ERBB4: variants seen among roughly 807,000 people sequenced by gnomAD.
ERBB4 encodes receptor tyrosine-protein kinase erbB-4.
ERBB4 carries 42 observed loss-of-function variants against 158.0 expected under a neutral mutation model. That is an observed-to-expected ratio of 0.27 (90% CI 0.21 to 0.34). The LOEUF (loss-of-function observed/expected upper bound fraction) is 0.34, where lower values mean the gene tolerates loss of function less well. ERBB4 is among the 10% of genes least tolerant of loss of function. ERBB4 has a pLI of 1.00. For missense variants in ERBB4, 1,333 were observed against 1,624.1 expected (o/e 0.82, Z 3.08); for synonymous variants, 583 against 558.7 (o/e 1.04, Z -0.61).
chr2:211,396,914 G>C (rs79979203), intron 25 of ERBB4, among the ~76,000 whole-genome samples: 1 of 152,152 alleles, frequency 6.6e-6, no homozygotes, highest in African/African-American at 2.4e-5. Flanking sequence ...TAAGTAAAAA[G>C]ATTTCTAACA....
intron 1 of ERBB4, among the ~76,000 whole-genome samples, chr2:212,363,669 T>A (rs1421579859): frequency 6.6e-6 from 1 of 151,640 alleles, no homozygotes; most frequent in Non-Finnish European, 1.5e-5. Flanking sequence ...AATACTTATA[T>A]ATTTGGAAAT....
chr2:211,933,361 A>T (rs1318563760), intron 3 of ERBB4, among the ~76,000 whole-genome samples: 1 of 152,056 alleles, frequency 6.6e-6, no homozygotes, highest in African/African-American at 2.4e-5. Context: ...ATATATCTAT[A>T]GGTATGTTAA....
chr2:211,552,973 A>ATTT (rs34100604), intron 20 of ERBB4, among the ~76,000 whole-genome samples: 19 of 146,958 alleles, frequency 1.3e-4, no homozygotes, highest in South Asian at 2.2e-4. Flanking sequence ...CAAATAATAC[A>ATTT]TTTTTTTTTT....
At chr2:211,844,314 T>A (rs1433639817) in intron 3 of ERBB4, among the ~76,000 whole-genome samples, 1 of 152,206 alleles carries the variant, frequency 6.6e-6, no homozygotes, top group East Asian at 1.9e-4. Context: ...ACCTTCACAT[T>A]TTATTTGGAT....
chr2:212,441,343 G>C (rs753602326), intron 1 of ERBB4, among the ~76,000 whole-genome samples: 1 of 152,158 alleles, frequency 6.6e-6, no homozygotes, highest in Non-Finnish European at 1.5e-5. Flanking sequence ...TGCTCTGCGG[G>C]AGGCAATGGT....
intron 2 of ERBB4, among the ~76,000 whole-genome samples, chr2:212,091,949 GC>G (rs2078792346): frequency 6.6e-6 from 1 of 151,986 alleles, no homozygotes; most frequent in Admixed American, 6.6e-5. Flanking sequence ...TCATTACGAA[GC>G]AAATACTCAT....
chr2:212,483,554 C>T (rs1689817865), intron 1 of ERBB4, among the ~76,000 whole-genome samples: 1 of 152,158 alleles, frequency 6.6e-6, no homozygotes, highest in African/African-American at 2.4e-5. Flanking sequence ...ATAGCCAATG[C>T]TCCACATTTC....
intron 15 of ERBB4, among the ~76,000 whole-genome samples, chr2:211,659,841 T>C (rs139526117): frequency 1.8e-3 from 278 of 152,258 alleles, no homozygotes; most frequent in Non-Finnish European, 3.5e-3. Flanking sequence ...CAGATGTGTA[T>C]TGAATAATGT....
At chr2:211,723,224 C>G (rs1442608388) in intron 6 of ERBB4, among the ~76,000 whole-genome samples, 1 of 152,030 alleles carries the variant, frequency 6.6e-6, no homozygotes, top group Non-Finnish European at 1.5e-5. Context: ...ATTCATAACT[C>G]AATTTATTAA....
intron 3 of ERBB4, among the ~76,000 whole-genome samples, chr2:211,812,625 C>T (rs185152177): frequency 6.6e-6 from 1 of 152,336 alleles, no homozygotes; most frequent in Non-Finnish European, 1.5e-5. Context: ...TGCCTTTTGT[C>T]CAGCTATGCC....
rs555076900 is a variant in ERBB4 at position 211,655,558 on chromosome 2, G to A, written c.1946+2196C>T. Among the ~76,000 whole-genome samples the A allele has an allele frequency of 2.6e-4, 39 of 152,194 alleles. 1 individual carries two copies. The South Asian group carries it at 7.0e-3, about 28-fold the overall frequency. On this transcript the variant is annotated intron_variant, in intron 16 of 27. Transcript: ENST00000342788. The stretch of plus-strand genomic sequence containing the variant: ...ACTCAGAAAATCTGATTCTAAAGAC[G>A]GAACACTTAACCACTGTACTATATT...
chr2:211,424,979 A>G (rs1057306231), intron 22 of ERBB4, among the ~76,000 whole-genome samples: 2 of 152,172 alleles, frequency 1.3e-5, no homozygotes. Context: ...TCACTGGGAC[A>G]TTGATTTTCT....
chr2:212,435,908 A>C (rs894843758), intron 1 of ERBB4, among the ~76,000 whole-genome samples: 2 of 151,822 alleles, frequency 1.3e-5, no homozygotes, highest in African/African-American at 4.8e-5. Flanking sequence ...ATTTTGGTGA[A>C]AGAAAAAAAA....
chr2:212,210,886 T>A (rs2082913461), intron 1 of ERBB4, among the ~76,000 whole-genome samples: 1 of 152,120 alleles, frequency 6.6e-6, no homozygotes, highest in Admixed American at 6.6e-5. Context: ...ACAATTTATA[T>A]TTCCCAGTCT....
intron 20 of ERBB4, among the ~76,000 whole-genome samples, chr2:211,499,781 A>G (rs1001768029): frequency 4.6e-5 from 7 of 152,068 alleles, no homozygotes; most frequent in African/African-American, 1.7e-4. Context: ...AAAAAGTTCT[A>G]TTTCTGAGAC....
intron 20 of ERBB4, among the ~76,000 whole-genome samples, chr2:211,444,781 T>C (rs1300735202): frequency 6.6e-6 from 1 of 152,104 alleles, no homozygotes; most frequent in Admixed American, 6.6e-5. Context: ...TATAATGATA[T>C]GTTATTTCCT....
chr2:211,945,711 TTTGA>T (rs1464898541), intron 3 of ERBB4, among the ~76,000 whole-genome samples: 1 of 152,068 alleles, frequency 6.6e-6, no homozygotes, highest in Non-Finnish European at 1.5e-5. Context: ...GTGGCATAAT[TTTGA>T]TTGATTAAAT....
chr2:211,782,109 C>T (rs1181712782), intron 4 of ERBB4, among the ~76,000 whole-genome samples: 1 of 152,154 alleles, frequency 6.6e-6, no homozygotes, highest in Non-Finnish European at 1.5e-5. Context: ...CTGGAAGACA[C>T]CTTTTCTCCA....
chr2:212,412,017 A>G (rs886886927), intron 1 of ERBB4, among the ~76,000 whole-genome samples: 3 of 152,088 alleles, frequency 2.0e-5, no homozygotes, highest in African/African-American at 4.8e-5. Flanking sequence ...AATAAAGGCA[A>G]TTAGTTAGCT....
Sources: gnomAD v4.1 joint callset for allele counts (sites outside exome capture counted in the v4.1 genomes callset) on GRCh38, gnomAD v4.1.1 for gene constraint, MANE v1.5 for transcripts, NCBI Gene and HGNC (gene_info 2026-07-23, HGNC 2026-07-21) for gene names.